Variants in DOK5 observed in about 807,000 individuals in gnomAD.
The protein encoded by DOK5 is docking protein 5, also known as downstream of tyrosine kinase 5.
A neutral mutation model predicts 43.3 loss-of-function variants in DOK5; 27 were observed. The observed-to-expected ratio is 0.62, with a 90% CI of 0.46 to 0.86. The LOEUF (loss-of-function observed/expected upper bound fraction) is 0.86. DOK5 is among the 40% of genes least tolerant of loss of function. DOK5 has a pLI of 0.00. For synonymous variants in DOK5, 146 were observed against 140.1 expected (o/e 1.04, Z -0.30); for missense variants, 373 against 392.9 (o/e 0.95, Z 0.43).
intron 1 of DOK5, among the ~76,000 whole-genome samples, chr20:54,501,203 C>A (rs936742935): frequency 6.6e-6 from 1 of 151,198 alleles, no homozygotes; most frequent in East Asian, 2.0e-4. Context: ...CGCGGTGGCT[C>A]ACGCCTGTAA....
At chr20:54,476,794 C>T (rs753570012) in intron 1 of DOK5, among the ~76,000 whole-genome samples, 3 of 152,148 alleles carry the variant, frequency 2.0e-5, no homozygotes, top group Non-Finnish European at 2.9e-5. Flanking sequence ...CTTAAAACTC[C>T]CTCTCTTTCG....
intron 1 of DOK5, among the ~76,000 whole-genome samples, chr20:54,490,958 G>A (rs146988925): frequency 1.1e-3 from 161 of 152,188 alleles, no homozygotes; most frequent in Non-Finnish European, 1.9e-3. Context: ...ACTCTTTTCC[G>A]TCCATGTCTT....
At chr20:54,598,759 T>C (rs1986219685) in intron 5 of DOK5, among the ~76,000 whole-genome samples, 1 of 152,204 alleles carries the variant, frequency 6.6e-6, no homozygotes, top group Non-Finnish European at 1.5e-5. Flanking sequence ...CAAAAATATG[T>C]GAAAATCCAA....
intron 1 of DOK5, among the ~76,000 whole-genome samples, chr20:54,516,761 T>A (rs141138288): frequency 4.5e-4 from 69 of 152,360 alleles, no homozygotes; most frequent in African/African-American, 1.6e-3. Context: ...GTCAAGCTTT[T>A]TGCTAGACCT....
intron 1 of DOK5, among the ~76,000 whole-genome samples, chr20:54,515,937 G>A (rs1477632214): frequency 6.6e-6 from 1 of 152,212 alleles, no homozygotes; most frequent in Non-Finnish European, 1.5e-5. Flanking sequence ...ATTGGGGAAG[G>A]CATTAGCTGA....
intron 6 of DOK5, among the ~76,000 whole-genome samples, chr20:54,634,757 T>C (rs1978743854): frequency 6.6e-6 from 1 of 151,626 alleles, no homozygotes; most frequent in Admixed American, 6.6e-5. Flanking sequence ...TATACTACTA[T>C]CTGCTTTTTT....
At chr20:54,571,252 C>G (rs192392435) in intron 2 of DOK5, among the ~76,000 whole-genome samples, 3 of 152,222 alleles carry the variant, frequency 2.0e-5, no homozygotes, top group Non-Finnish European at 2.9e-5. Flanking sequence ...AGGTGAAAGT[C>G]CTAATTGCTT....
At chr20:54,484,321 T>C (rs550781927) in intron 1 of DOK5, among the ~76,000 whole-genome samples, 1 of 151,686 alleles carries the variant, frequency 6.6e-6, no homozygotes, top group Non-Finnish European at 1.5e-5. Flanking sequence ...GGAGGTTGCA[T>C]TGAGCCGAGA....
intron 5 of DOK5, among the ~76,000 whole-genome samples, chr20:54,606,326 C>T (rs6417302): frequency 0.26 from 39,581 of 151,956 alleles, 6,798 homozygotes; most frequent in African/African-American, 0.47. Context: ...CATTAATGTA[C>T]GGAGTGTTTG....
At chr20:54,555,239 C>T (rs1984669518) in intron 2 of DOK5, 199 bp downstream of exon 2, 2 of 533,844 alleles carry the variant, frequency 3.7e-6, no homozygotes. Flanking sequence ...TGGTTTCCTG[C>T]TATTTGCTGT....
In DOK5 at chr20:54,588,647, A is replaced by G. The variant is rs772764050; in HGVS notation, c.290-40A>G. 5.0e-6 allele frequency: 8 copies of G among 1,613,932 alleles called. No individual in the cohort carries two copies. The East Asian group carries it at 1.8e-4, about 36-fold the overall frequency. ...GCTTTTGCTTTTAGATTCTGAATGG[A>G]TGCTGGGCACACAGTTTAATCTTTT... On this transcript the variant is annotated intron_variant, in intron 3 of 7. Coordinates refer to ENST00000262593, the MANE Select transcript of DOK5 (RefSeq NM_018431.5).
At chr20:54,522,687 G>A (rs1327871338) in intron 1 of DOK5, among the ~76,000 whole-genome samples, 1 of 151,580 alleles carries the variant, frequency 6.6e-6, no homozygotes, top group Non-Finnish European at 1.5e-5. Flanking sequence ...GCTTATTTTT[G>A]TATTTTTAGT....
At chr20:54,583,645 C>G (rs1006291188) in intron 2 of DOK5, among the ~76,000 whole-genome samples, 1 of 151,924 alleles carries the variant, frequency 6.6e-6, no homozygotes, top group African/African-American at 2.4e-5. Flanking sequence ...CCTTCTTTGT[C>G]TCTCATGATA....
chr20:54,524,085 C>T (rs564175634), intron 1 of DOK5, among the ~76,000 whole-genome samples: 159 of 152,148 alleles, frequency 1.0e-3, no homozygotes, highest in Non-Finnish European at 2.0e-3. Flanking sequence ...CTACTCCATG[C>T]ATCTCCCAGT....
At chr20:54,632,527 G>C (rs182415017) in intron 6 of DOK5, among the ~76,000 whole-genome samples, 7 of 152,310 alleles carry the variant, frequency 4.6e-5, no homozygotes, top group South Asian at 2.1e-4. Context: ...TGCAAAGCGA[G>C]AACTATTTTC....
chr20:54,568,659 A>G (rs1600707415), intron 2 of DOK5, among the ~76,000 whole-genome samples: 2 of 152,184 alleles, frequency 1.3e-5, no homozygotes, highest in African/African-American at 2.4e-5. Context: ...GGCTGGGCGC[A>G]GTGGCTCACG....
chr20:54,491,470 G>A (rs1982173857), intron 1 of DOK5, among the ~76,000 whole-genome samples: 1 of 152,214 alleles, frequency 6.6e-6, no homozygotes, highest in Non-Finnish European at 1.5e-5. Flanking sequence ...TATCGCAGCT[G>A]CAGTCCCCAG....
In DOK5 at chr20:54,563,949, C is replaced by T. The variant is rs777774106; in HGVS notation, c.174+8909C>T. 2.6e-5 allele frequency among the ~76,000 whole-genome samples: 4 copies of T among 151,906 alleles called. No homozygotes were observed. The Middle Eastern group carries it at 0.014, about 517-fold the overall frequency. Reference sequence around the variant, plus strand: ...CTAGAAAGAGAAAGCAATGGTATTCCCAGGAGGCAACATGTGGCACTATAC... The same window carrying T: ...CTAGAAAGAGAAAGCAATGGTATTCTCAGGAGGCAACATGTGGCACTATAC... On this transcript the variant is annotated intron_variant, in intron 2 of 7. Coordinates refer to ENST00000262593, the MANE Select transcript of DOK5 (RefSeq NM_018431.5).
intron 5 of DOK5, among the ~76,000 whole-genome samples, chr20:54,602,517 A>C (rs1986327940): frequency 6.6e-6 from 1 of 152,024 alleles, no homozygotes; most frequent in South Asian, 2.1e-4. Context: ...TTACTTTTTG[A>C]TCTTTTTGGT....
Sources: allele counts gnomAD v4.1 joint callset (sites outside exome capture counted in the v4.1 genomes callset), GRCh38; gene constraint gnomAD v4.1.1; transcripts MANE v1.5; gene names NCBI Gene and HGNC (gene_info 2026-07-23, HGNC 2026-07-21).